Variants in OTUD7B observed in about 807,000 individuals in gnomAD.
OTUD7B encodes OTU deubiquitinase 7B, also known as OTU domain-containing protein 7B.
A neutral mutation model predicts 82.2 loss-of-function variants in OTUD7B; 34 were observed. That is an observed-to-expected ratio of 0.41 (90% confidence interval 0.31 to 0.55). The LOEUF (loss-of-function observed/expected upper bound fraction) is 0.55. Among genes scored for constraint, OTUD7B ranks in the 20% least tolerant of loss-of-function variants. The pLI, the probability that OTUD7B is intolerant of heterozygous loss-of-function variation, is 0.20. For synonymous variants in OTUD7B, 398 were observed against 402.7 expected, an observed-to-expected ratio of 0.99 and a Z score of 0.14; for missense variants, 944 against 1,062.1, an observed-to-expected ratio of 0.89 and a Z score of 1.55.
At chr1:150,046,993 C>A in the OTUD7B span, among the ~76,000 whole-genome samples, 2 of 152,042 alleles carry the variant, frequency 1.3e-5, no homozygotes, top group Non-Finnish European at 2.9e-5. Flanking sequence ...ATTGCTTGAA[C>A]CCGGGAGGCG....
intron 10 of OTUD7B, 131 bp downstream of exon 10, chr1:149,948,837 TC>T: frequency 1.6e-6 from 1 of 630,310 alleles, no homozygotes. Context: ...CTCCTCTACC[TC>T]CCCATCTTCC....
At chr1:150,023,275 A>G in the OTUD7B span, among the ~76,000 whole-genome samples, 11 of 152,202 alleles carry the variant, frequency 7.2e-5, no homozygotes, top group African/African-American at 2.7e-4. Context: ...AAATCCAGCA[A>G]TTCAACTTCT....
chr1:149,950,083 G>T lies in OTUD7B; in HGVS notation c.973+11C>A. ...GCTCAGCATGGAGTGAGGACTGACT[G>T]GCTGACTCACCTTCCCCTCCGGAGT... is the stretch of plus-strand genomic sequence containing the variant. On this transcript the variant is annotated intron_variant, in intron 8 of 11. Transcript: ENST00000581312. The T allele has an allele frequency of 6.2e-7, 1 of 1,613,544 alleles. No individual in the cohort carries two copies. The highest frequency in any genetic ancestry group is 8.5e-7 in the Non-Finnish European group (1 of 1,179,952).
chr1:149,949,120 T>TG, intron 9 of OTUD7B, 37 bp from the exon 10 acceptor site: 1 of 1,289,820 alleles, frequency 7.8e-7, no homozygotes, highest in Non-Finnish European at 1.1e-6. Context: ...GGAATCTCCT[T>TG]AAGAGAGAAA....
chr1:149,993,029 T>C (rs1651698375), intron 1 of OTUD7B, among the ~76,000 whole-genome samples: 3 of 152,068 alleles, frequency 2.0e-5, no homozygotes, highest in Non-Finnish European at 1.5e-5. Flanking sequence ...CACGTGCCTA[T>C]AATTCCAGCT....
rs782785788 is a variant in OTUD7B, at chr1:149,964,257, G to A, written c.697C>T (p.Arg233Cys). The A allele has an allele frequency of 3.7e-6, 6 of 1,613,688 alleles. No homozygotes were observed. The South Asian group carries it at 6.6e-5, about 18-fold the overall frequency. The change falls in exon 6 of 12, where the codon CGC becomes TGC. Residue 233 changes from arginine (R) to cysteine (C), a missense_variant. Arg to Cys is a radical substitution (Grantham distance 180). Coordinates refer to ENST00000581312, the MANE Select transcript of OTUD7B (RefSeq NM_020205.4). Reference protein sequence around the residue: ...KGVEKEALKRRWRWQQTQQNK... With the variant: ...KGVEKEALKRCWRWQQTQQNK... Reference sequence around the variant, plus strand: ...TGCTGTGTCTGCTGCCACCTCCAGCGCCTTTTCAACGCTTCCTTCTCAACT... The same window carrying A: ...TGCTGTGTCTGCTGCCACCTCCAGCACCTTTTCAACGCTTCCTTCTCAACT...
intron 1 of OTUD7B, among the ~76,000 whole-genome samples, chr1:149,983,863 C>T (rs955881733): frequency 6.6e-6 from 1 of 152,118 alleles, no homozygotes; most frequent in Non-Finnish European, 1.5e-5. Flanking sequence ...TGCAAAATAG[C>T]GCTAAACCAG....
intron 11 of OTUD7B, among the ~76,000 whole-genome samples, chr1:149,946,226 G>A (rs1324220921): frequency 6.6e-6 from 1 of 151,584 alleles, no homozygotes; most frequent in African/African-American, 2.4e-5. Context: ...AGCTGGACAT[G>A]GTGGCGGGCA....
At chr1:150,008,883 A>G (rs1553786692) in intron 1 of OTUD7B, among the ~76,000 whole-genome samples, 1 of 152,178 alleles carries the variant, frequency 6.6e-6, no homozygotes, top group Admixed American at 6.5e-5. Flanking sequence ...CTCTAAGTAC[A>G]TAGTAACTGG....
the OTUD7B span, among the ~76,000 whole-genome samples, chr1:150,063,150 T>G: frequency 6.6e-6 from 1 of 152,180 alleles, no homozygotes; most frequent in Non-Finnish European, 1.5e-5. Context: ...CTGTAGTTTC[T>G]GCAGATAGAA....
intron 11 of OTUD7B, among the ~76,000 whole-genome samples, chr1:149,946,810 T>C (rs587623915): frequency 7.0e-6 from 1 of 142,066 alleles, no homozygotes; most frequent in Non-Finnish European, 1.5e-5. Flanking sequence ...CCCAGCACTG[T>C]GGGAGGCTGA....
the OTUD7B span, among the ~76,000 whole-genome samples, chr1:150,043,985 G>A: frequency 6.6e-6 from 1 of 152,008 alleles, no homozygotes; most frequent in African/African-American, 2.4e-5. Context: ...AGGCATGATG[G>A]CACGTGCCTG....
chr1:150,026,992 T>C, the OTUD7B span, among the ~76,000 whole-genome samples: 1 of 152,338 alleles, frequency 6.6e-6, no homozygotes. Flanking sequence ...AAAGCTATAC[T>C]ATATTCATAA....
intron 4 of OTUD7B, among the ~76,000 whole-genome samples, chr1:149,966,959 C>T (rs1649554815): frequency 6.6e-6 from 1 of 152,204 alleles, no homozygotes; most frequent in Non-Finnish European, 1.5e-5. Flanking sequence ...CACTACTGTG[C>T]ATCATCTACA....
the OTUD7B span, among the ~76,000 whole-genome samples, chr1:150,060,733 A>G: frequency 2.0e-5 from 3 of 152,200 alleles, no homozygotes; most frequent in Non-Finnish European, 4.4e-5. Flanking sequence ...AAGACAGGCA[A>G]AAAGCTATTA....
At position 149,944,008 on chromosome 1, in the gene OTUD7B, C is replaced by T; in HGVS notation, c.2381G>A (p.Gly794Asp). 1 of 1,614,206 alleles carries T rather than the reference C, an allele frequency of 6.2e-7. No individual in the cohort carries two copies. The highest frequency in any genetic ancestry group is 8.5e-7 in the Non-Finnish European group (1 of 1,180,032). The change falls in exon 12 of 12, where the codon GGC becomes GAC. Residue 794 changes from glycine to aspartate, a missense_variant. Around this residue, in one of 3 missense-constraint regions of OTUD7B, gnomAD observed 412 missense variants for 418.7 expected, o/e 0.98. Transcript: ENST00000581312. Reference protein sequence around the residue: ...EPDGWAGGLRGLPPTQTKCKQ... With the variant: ...EPDGWAGGLRDLPPTQTKCKQ... Reference sequence around the variant, plus strand: ...GCATTTGGTCTGAGTTGGGGGAAGGCCCCGGAGACCTCCAGCCCATCCATC... The same window carrying T: ...GCATTTGGTCTGAGTTGGGGGAAGGTCCCGGAGACCTCCAGCCCATCCATC...
chr1:149,964,130 C>T lies in OTUD7B; in HGVS notation c.732+92G>A. 2.7e-6 allele frequency: 4 copies of T among 1,460,076 alleles called. No homozygotes were observed. The South Asian group carries it at 4.7e-5, about 17-fold the overall frequency. The allele number at this position is 1,460,076 out of a possible 1,614,324, so 90.4% of individuals were successfully genotyped here. Reference sequence around the variant, plus strand: ...ATAAGGGGAGTCACACTGACCTAAACACTTGGAAATATTTTCTACTGGCAG... The same window carrying T: ...ATAAGGGGAGTCACACTGACCTAAATACTTGGAAATATTTTCTACTGGCAG... On this transcript the variant is annotated intron_variant, in intron 6 of 11. Transcript: ENST00000581312.
chr1:149,965,694 T>C (rs1649481029), intron 5 of OTUD7B, 83 bp downstream of exon 5: 5 of 950,244 alleles, frequency 5.3e-6, no homozygotes, highest in Middle Eastern at 2.2e-4. Flanking sequence ...AGATCAAGGT[T>C]ATCTGGATCA....
At chr1:149,956,363 C>T (rs1648672204) in intron 7 of OTUD7B, among the ~76,000 whole-genome samples, 1 of 152,106 alleles carries the variant, frequency 6.6e-6, no homozygotes, top group African/African-American at 2.4e-5. Flanking sequence ...AATATTGGCC[C>T]CCACGCTCTT....
Sources: allele counts gnomAD v4.1 joint callset (sites outside exome capture counted in the v4.1 genomes callset), GRCh38; gene constraint gnomAD v4.1.1; regional missense constraint gnomAD v4.1.1; transcripts MANE v1.5; gene names NCBI Gene and HGNC (gene_info 2026-07-23, HGNC 2026-07-21).